Variants in MYRIP observed in about 807,000 individuals in gnomAD.
The protein encoded by MYRIP is myosin VIIA and Rab interacting protein, also known as rab effector MyRIP.
Under a neutral mutation model 98.0 loss-of-function variants are expected in MYRIP, and 49 were observed. That is an observed-to-expected ratio of 0.50 (90% CI 0.40 to 0.63). The LOEUF is 0.63. Ranked by LOEUF, MYRIP falls within the 30% of genes least tolerant of loss-of-function variation. The probability of loss-of-function intolerance (pLI) is 0.00; values close to 1 mark genes in which losing one functional copy is unlikely to be tolerated. For missense variants in MYRIP, 1,004 were observed against 1,058.2 expected (o/e 0.95, Z 0.71); for synonymous variants, 404 against 409.5 (o/e 0.99, Z 0.16).
chr3:39,833,791 C>T (rs1173738216), intron 1 of MYRIP, among the ~76,000 whole-genome samples: 2 of 152,068 alleles, frequency 1.3e-5, no homozygotes, highest in Admixed American at 6.6e-5. Flanking sequence ...GAGGCTGAGG[C>T]GGGTGGATCA....
At position 40,044,161 on chromosome 3, in the gene MYRIP, C is replaced by G. The variant is rs765179729; in HGVS notation, c.222C>G (p.Leu74=). Residue 74 remains leucine (L), a synonymous_variant, in exon 3 of 17, where the codon CTC becomes CTG. Coordinates refer to ENST00000302541, the MANE Select transcript of MYRIP (RefSeq NM_015460.4). ...GCTGCTGCTCGCCCTTCACCTTCCT[C>G]GTCAACACCAAGCGCCAGTGTGGAG... ...CMRCCSPFTF[L]VNTKRQCGDC... 1.7e-5 allele frequency: 28 copies of G among 1,613,974 alleles called. No homozygotes were observed. The highest frequency in any genetic ancestry group is 2.4e-5 in the Non-Finnish European group (28 of 1,180,014).
At chr3:39,979,664 A>C (rs1199573736) in intron 2 of MYRIP, among the ~76,000 whole-genome samples, 3 of 151,848 alleles carry the variant, frequency 2.0e-5, no homozygotes, top group Non-Finnish European at 4.4e-5. Context: ...ACAAAAAAAA[A>C]AAAACAAAAA....
At chr3:39,970,822 T>A (rs1330009788) in intron 2 of MYRIP, among the ~76,000 whole-genome samples, 4 of 152,084 alleles carry the variant, frequency 2.6e-5, no homozygotes, top group Admixed American at 2.0e-4. Flanking sequence ...TATTTAGGAT[T>A]ATAAGGGAGG....
In MYRIP at chr3:40,044,188, T is replaced by C. The variant is rs769708606; in HGVS notation, c.249T>C (p.Asp83=). Residue 83 remains aspartate, a synonymous_variant, in exon 3 of 17, where the codon GAT becomes GAC. Coordinates refer to ENST00000302541, the MANE Select transcript of MYRIP (RefSeq NM_015460.4). ...TCAACACCAAGCGCCAGTGTGGAGA[T>C]TGCAAATTCAATGTCTGCAAGAGCT... ...FLVNTKRQCG[D]CKFNVCKSCC... 2.5e-6 allele frequency: 4 copies of C among 1,614,124 alleles called. No individual in the cohort carries two copies. The highest frequency in any genetic ancestry group is 2.2e-5 in the South Asian group (2 of 91,068).
intron 3 of MYRIP, among the ~76,000 whole-genome samples, chr3:40,096,044 C>T (rs560819663): frequency 6.6e-6 from 1 of 151,852 alleles, no homozygotes; most frequent in South Asian, 2.1e-4. Flanking sequence ...CATCCCCCCT[C>T]CCCCAGACTC....
intron 1 of MYRIP, among the ~76,000 whole-genome samples, chr3:39,875,889 G>A (rs1462267108): frequency 6.6e-6 from 1 of 151,842 alleles, no homozygotes; most frequent in Non-Finnish European, 1.5e-5. Context: ...CAATTCCTGG[G>A]TATCCTTGTT....
chr3:39,993,557 T>G (rs1946232664), intron 2 of MYRIP, among the ~76,000 whole-genome samples: 2 of 152,200 alleles, frequency 1.3e-5, no homozygotes, highest in Non-Finnish European at 2.9e-5. Flanking sequence ...CAAGAGTCAG[T>G]GGGCCCTGAA....
At chr3:40,044,881 C>T (rs991113109) in intron 3 of MYRIP, among the ~76,000 whole-genome samples, 5 of 152,094 alleles carry the variant, frequency 3.3e-5, no homozygotes, top group African/African-American at 7.2e-5. Flanking sequence ...GACAACTTTG[C>T]GAGGGAAATA....
chr3:39,994,478 G>A (rs762562374), intron 2 of MYRIP, among the ~76,000 whole-genome samples: 9 of 152,236 alleles, frequency 5.9e-5, no homozygotes, highest in Non-Finnish European at 1.3e-4. Flanking sequence ...CAAGGCAGCA[G>A]CAAGGCTGGG....
intron 3 of MYRIP, among the ~76,000 whole-genome samples, chr3:40,133,020 A>G (rs1949679467): frequency 6.6e-6 from 1 of 152,246 alleles, no homozygotes; most frequent in Non-Finnish European, 1.5e-5. Context: ...TGATAGACTG[A>G]CATGTGGTCA....
intron 3 of MYRIP, among the ~76,000 whole-genome samples, chr3:40,139,972 T>G (rs1338686121): frequency 6.6e-6 from 1 of 152,252 alleles, no homozygotes; most frequent in Non-Finnish European, 1.5e-5. Context: ...TTAATTAGTT[T>G]CCAGTGTTTT....
chr3:40,035,172 A>G (rs918980510), intron 2 of MYRIP, among the ~76,000 whole-genome samples: 2 of 151,842 alleles, frequency 1.3e-5, no homozygotes, highest in Non-Finnish European at 2.9e-5. Context: ...ATGTATACAT[A>G]TGTAACAAAC....
chr3:39,950,598 G>C (rs1944987565), intron 2 of MYRIP, among the ~76,000 whole-genome samples: 1 of 152,094 alleles, frequency 6.6e-6, no homozygotes, highest in African/African-American at 2.4e-5. Flanking sequence ...AGCTGGGACA[G>C]CTAGGATGAC....
chr3:40,001,604 C>T (rs1460584593), intron 2 of MYRIP, among the ~76,000 whole-genome samples: 1 of 152,214 alleles, frequency 6.6e-6, no homozygotes, highest in Non-Finnish European at 1.5e-5. Context: ...TCAACAATCA[C>T]TTCAAAGCAC....
chr3:40,069,549 C>G (rs1948184536), intron 3 of MYRIP, among the ~76,000 whole-genome samples: 1 of 152,124 alleles, frequency 6.6e-6, no homozygotes, highest in Non-Finnish European at 1.5e-5. Flanking sequence ...TTTCATCATT[C>G]CAAACTGAAG....
chr3:40,094,020 A>G (rs1948777608), intron 3 of MYRIP, among the ~76,000 whole-genome samples: 2 of 151,436 alleles, frequency 1.3e-5, no homozygotes, highest in Admixed American at 6.6e-5. Flanking sequence ...TGCACGTGCT[A>G]TTTCCTCTGC....
intron 2 of MYRIP, among the ~76,000 whole-genome samples, chr3:40,028,633 G>T (rs1480163283): frequency 6.6e-6 from 1 of 152,044 alleles, no homozygotes; most frequent in Non-Finnish European, 1.5e-5. Context: ...GGTAAGTGAT[G>T]AGCCCAGCTA....
At chr3:40,093,777 T>G (rs1056937771) in intron 3 of MYRIP, among the ~76,000 whole-genome samples, 11 of 152,186 alleles carry the variant, frequency 7.2e-5, no homozygotes, top group African/African-American at 2.7e-4. Context: ...CCATTGCAAT[T>G]GGATGCAAAA....
intron 3 of MYRIP, chr3:40,071,271 G>C (rs1948220249): frequency 7.3e-6 from 6 of 824,258 alleles, no homozygotes; most frequent in Non-Finnish European, 8.8e-6. Context: ...AGCCATCAGA[G>C]AGATGGCTGG....
Sources: allele counts gnomAD v4.1 joint callset (sites outside exome capture counted in the v4.1 genomes callset), GRCh38; gene constraint gnomAD v4.1.1; transcripts MANE v1.5; gene names NCBI Gene and HGNC (gene_info 2026-07-23, HGNC 2026-07-21).